The following IL18RAP variants were observed in gnomAD, a reference collection of about 807,000 sequenced individuals.
The protein encoded by IL18RAP is interleukin-18 receptor accessory protein.
A neutral mutation model predicts 58.1 loss-of-function variants in IL18RAP; 37 were observed. The ratio of observed to expected loss-of-function variants is 0.64; its 90% CI spans 0.49 to 0.84. The LOEUF is 0.84. Among genes scored for constraint, IL18RAP ranks in the 40% least tolerant of loss-of-function variants. IL18RAP has a pLI of 0.00. For synonymous variants in IL18RAP, 268 were observed against 257.5 expected, an observed-to-expected ratio of 1.04 and a Z score of -0.39; for missense variants, 667 against 704.8, an observed-to-expected ratio of 0.95 and a Z score of 0.61.
intron 9 of IL18RAP, 28 bp downstream of exon 9, chr2:102,451,049 C>A: frequency 6.4e-7 from 1 of 1,554,852 alleles, no homozygotes; most frequent in Admixed American, 2.0e-5. Context: ...AGAAAAACTG[C>A]AGTGCAAAAA....
Position 102,452,399 on chromosome 2 carries a change from T to C in IL18RAP, c.*218T>C. 1 of 500,298 alleles carries C rather than the reference T, an allele frequency of 2.0e-6. No individual in the cohort carries two copies. 31.0% of individuals were successfully genotyped at this position (500,298 alleles called of 1,614,324 possible). A position where few individuals can be genotyped will look rare whatever the true frequency, so the allele number is the denominator to read the frequency against. Reference sequence around the variant, plus strand: ...TGACGGCGAGTGAATTCTCTAGACCTTGGGTACTTTCAGTACACAACACCC... The same window carrying C: ...TGACGGCGAGTGAATTCTCTAGACCCTGGGTACTTTCAGTACACAACACCC... On this transcript the variant is annotated 3_prime_UTR_variant, in exon 10 of 10. Transcript: ENST00000687160.
intron 9 of IL18RAP, among the ~76,000 whole-genome samples, chr2:102,451,248 C>T (rs568000800): frequency 8.5e-5 from 13 of 152,222 alleles, no homozygotes; most frequent in Non-Finnish European, 1.9e-4. Flanking sequence ...GGCAGTCCTT[C>T]TAGGACAAAG....
chr2:102,435,018 A>G (rs1163268167), intron 3 of IL18RAP: 1 of 152,242 alleles, frequency 6.6e-6, no homozygotes, highest in Non-Finnish European at 1.5e-5. Flanking sequence ...TATTAGTAAA[A>G]AAAAAATCTA....
At chr2:102,445,811 C>T (rs1297378127) in intron 7 of IL18RAP, among the ~76,000 whole-genome samples, 2 of 119,964 alleles carry the variant, frequency 1.7e-5, no homozygotes, top group African/African-American at 6.9e-5. Flanking sequence ...GTGTATATCA[C>T]GGATATATTA....
At chr2:102,423,682 A>G (rs1681727883) in intron 1 of IL18RAP, 129 bp from the exon 2 acceptor site, 1 of 734,330 alleles carries the variant, frequency 1.4e-6, no homozygotes. Context: ...CCCCTACAAA[A>G]TAGACAGTGA....
intron 4 of IL18RAP, among the ~76,000 whole-genome samples, chr2:102,437,644 A>G (rs993998214): frequency 1.3e-4 from 20 of 152,288 alleles, no homozygotes; most frequent in African/African-American, 4.6e-4. Flanking sequence ...CACACACAGA[A>G]ATATTGTGAC....
chr2:102,423,352 G>C lies in IL18RAP; in HGVS notation c.70+5G>C, dbSNP rs1157004364. ...TTAAAGGATTTAATATTTCAGGTAG[G>C]GGTTTTCACTTTTCATGTTAGCACT... On this transcript the variant is annotated splice_donor_5th_base_variant and intron_variant, in intron 1 of 9. Coordinates refer to ENST00000687160, the MANE Select transcript of IL18RAP (RefSeq NM_001393487.1). 1 of 1,612,892 alleles carries C rather than the reference G, an allele frequency of 6.2e-7. No homozygotes were observed. Among genetic ancestry groups the C allele is most frequent in the Admixed American group, 1.7e-5 (1 of 60,014 alleles).
Position 102,452,236 on chromosome 2 carries a change from C to T in IL18RAP, c.*55C>T. ...TCCCTGGGATAGAGATGTTGCTGGA[C>T]AGAACTCACAGCTCTGTGTGTGTGT... On this transcript the variant is annotated 3_prime_UTR_variant, in exon 10 of 10. Transcript: ENST00000687160. 6.8e-7 allele frequency: 1 copy of T among 1,462,508 alleles called. No individual in the cohort carries two copies. The allele number at this position is 1,462,508 out of a possible 1,614,324, so 90.6% of individuals were successfully genotyped here.
Position 102,452,519 on chromosome 2 carries a change from T to C in IL18RAP, c.*338T>C. The C allele has an allele frequency of 4.3e-6, 1 of 230,556 alleles. No individual in the cohort carries two copies. The highest frequency in any genetic ancestry group is 8.3e-6 in the Non-Finnish European group (1 of 120,078). The allele number at this position is 230,556 out of a possible 1,614,324, so 14.3% of individuals were successfully genotyped here. On this transcript the variant is annotated 3_prime_UTR_variant, in exon 10 of 10. Coordinates refer to ENST00000687160, the MANE Select transcript of IL18RAP (RefSeq NM_001393487.1). ...TCATGTCTACCATGTATTGTACATA[T>C]GACTTTATGTATACTTGCAATCAAA...
chr2:102,429,533 A>T (rs1189655386), intron 3 of IL18RAP, among the ~76,000 whole-genome samples: 1 of 150,294 alleles, frequency 6.7e-6, no homozygotes, highest in Admixed American at 6.6e-5. Flanking sequence ...AGTTTTATTC[A>T]TTTTTTCCTA....
chr2:102,440,385 G>A (rs1683028063), intron 4 of IL18RAP: 1 of 152,268 alleles, frequency 6.6e-6, no homozygotes, highest in Non-Finnish European at 1.5e-5. Context: ...ATGGATTTAG[G>A]TGCATAGGTG....
At chr2:102,443,127 T>C in intron 5 of IL18RAP, 73 bp from the exon 6 acceptor site, 3 of 1,474,966 alleles carry the variant, frequency 2.0e-6, no homozygotes, top group Non-Finnish European at 2.8e-6. Context: ...TCTGGCGACG[T>C]CTTCCTCCCA....
chr2:102,423,268 C>T lies in IL18RAP; in HGVS notation c.-10C>T, dbSNP rs112271333. 96 of 1,613,410 alleles carry T rather than the reference C, an allele frequency of 6.0e-5. No individual in the cohort carries two copies. The African/African-American group carries it at 6.1e-4, about 10-fold the overall frequency. On this transcript the variant is annotated 5_prime_UTR_variant, in exon 1 of 10. In the 5' UTR this introduces an upstream ATG that the reference lacks. Transcript: ENST00000687160. ...AGTTATTGGAGTGATGACAGGAACA[C>T]GGGAGAACAATGCTCTGTTTGGGCT...
At chr2:102,449,127 G>A (rs182141514) in intron 8 of IL18RAP, among the ~76,000 whole-genome samples, 1 of 151,946 alleles carries the variant, frequency 6.6e-6, no homozygotes, top group Non-Finnish European at 1.5e-5. Flanking sequence ...ATGTAGCCAG[G>A]CTTGGTGGCA....
intron 1 of IL18RAP, 66 bp downstream of exon 1, chr2:102,423,413 C>A: frequency 7.9e-7 from 1 of 1,261,234 alleles, no homozygotes; most frequent in Non-Finnish European, 1.2e-6. Context: ...GATGGATAAC[C>A]TGATATATCA....
chr2:102,420,276 T>A (rs908816058), upstream of IL18RAP, among the ~76,000 whole-genome samples: 2 of 152,246 alleles, frequency 1.3e-5, no homozygotes, highest in Non-Finnish European at 2.9e-5. Flanking sequence ...GTCTCCCAGA[T>A]GAGCGTGGTG....
chr2:102,447,552 C>T (rs951847381), intron 8 of IL18RAP, among the ~76,000 whole-genome samples: 1 of 152,024 alleles, frequency 6.6e-6, no homozygotes. Flanking sequence ...AAAATAATCC[C>T]TCTATAACCA....
chr2:102,423,426 A>G, intron 1 of IL18RAP, 79 bp downstream of exon 1: 2 of 1,138,642 alleles, frequency 1.8e-6, no homozygotes, highest in African/African-American at 1.5e-5. Flanking sequence ...ATATATCAGC[A>G]GTGTGATATA....
intron 3 of IL18RAP, among the ~76,000 whole-genome samples, chr2:102,426,163 C>T (rs772143021): frequency 3.3e-5 from 5 of 152,126 alleles, no homozygotes; most frequent in African/African-American, 4.8e-5. Flanking sequence ...GGAAAAAACA[C>T]CTAATGCCTT....
Sources: allele counts gnomAD v4.1 joint callset (sites outside exome capture counted in the v4.1 genomes callset), GRCh38; gene constraint gnomAD v4.1.1; transcripts MANE v1.5; gene names NCBI Gene and HGNC (gene_info 2026-07-23, HGNC 2026-07-21).